ARID1B: variants seen among roughly 807,000 people sequenced by gnomAD.
ARID1B encodes the protein AT-rich interactive domain-containing protein 1B.
In ARID1B, 30 loss-of-function variants were observed where a neutral mutation model predicts 212.3. The ratio of observed to expected loss-of-function variants is 0.14; its 90% confidence interval spans 0.11 to 0.19. The LOEUF is 0.19. Ranked by LOEUF, ARID1B falls within the 10% of genes least tolerant of loss-of-function variation. The pLI is 1.00. For synonymous variants in ARID1B, 1,402 were observed against 1,301.7 expected, an observed-to-expected ratio of 1.08 and a Z score of -1.66; for missense variants, 2,891 against 3,204.0, an observed-to-expected ratio of 0.90 and a Z score of 2.36.
chr6:157,054,823 G>A (rs1191759269), intron 4 of ARID1B, among the ~76,000 whole-genome samples: 1 of 152,188 alleles, frequency 6.6e-6, no homozygotes, highest in African/African-American at 2.4e-5. Flanking sequence ...ACACATAAAT[G>A]TCTATTCACG....
chr6:156,922,753 C>T (rs1283741585), intron 3 of ARID1B, among the ~76,000 whole-genome samples: 1 of 152,168 alleles, frequency 6.6e-6, no homozygotes, highest in African/African-American at 2.4e-5. Flanking sequence ...GTAAAAGCTA[C>T]AGATTCTCCT....
In ARID1B at chr6:157,206,750, A is replaced by G; in HGVS notation, c.5978A>G (p.Glu1993Gly). 6.2e-7 allele frequency: 1 copy of G among 1,613,426 alleles called. No homozygotes were observed. The highest frequency in any genetic ancestry group is 1.1e-5 in the South Asian group (1 of 91,090). Residue 1993 changes from glutamate to glycine, a missense_variant, in exon 20 of 20, where the codon GAG becomes GGG. Glu to Gly is a moderately conservative substitution (Grantham distance 98). Coordinates refer to ENST00000636930, the MANE Select transcript of ARID1B (RefSeq NM_001374828.1). The surrounding 1 kb of genome is among the most constrained non-coding windows in gnomAD (Gnocchi z 6.8). Reference protein sequence around the residue: ...EGKGDSEEQQEKSIIATIDDV... With the variant: ...EGKGDSEEQQGKSIIATIDDV... ...AAAGGCGACTCTGAAGAGCAGCAAG[A>G]GAAAAGCATCATAGCAACCATCGAT...
chr6:156,869,271 A>AT (rs971639246), intron 2 of ARID1B, among the ~76,000 whole-genome samples: 19 of 152,078 alleles, frequency 1.2e-4, no homozygotes, highest in African/African-American at 2.4e-4. Context: ...AGATTAACAA[A>AT]TTTTTTTTGT....
At chr6:157,105,811 A>C (rs1786436145) in intron 5 of ARID1B, among the ~76,000 whole-genome samples, 1 of 152,122 alleles carries the variant, frequency 6.6e-6, no homozygotes, top group Admixed American at 6.5e-5. Flanking sequence ...CATGTTGGTC[A>C]GGCTGGTCTT....
intron 1 of ARID1B, among the ~76,000 whole-genome samples, chr6:156,789,956 A>G (rs1476977707): frequency 6.6e-6 from 1 of 152,228 alleles, no homozygotes; most frequent in Non-Finnish European, 1.5e-5. Flanking sequence ...AGGAATTAAA[A>G]TGAGTTAGAG....
chr6:156,804,276 C>T (rs1780994653), intron 1 of ARID1B, among the ~76,000 whole-genome samples: 1 of 150,310 alleles, frequency 6.7e-6, no homozygotes, highest in Admixed American at 6.7e-5. Context: ...GCGGAGGTTG[C>T]AGTGAACTGA....
intron 2 of ARID1B, among the ~76,000 whole-genome samples, chr6:156,839,326 G>T (rs1583138375): frequency 6.6e-6 from 1 of 152,302 alleles, no homozygotes; most frequent in East Asian, 1.9e-4. Flanking sequence ...GAGGGTAGTA[G>T]CGTGCTGGCT....
intron 6 of ARID1B, among the ~76,000 whole-genome samples, chr6:157,130,925 T>G (rs750617503): frequency 6.6e-6 from 1 of 152,236 alleles, no homozygotes; most frequent in Non-Finnish European, 1.5e-5. Context: ...TGTCCTTTGT[T>G]AGTGTGCTAG....
intron 4 of ARID1B, among the ~76,000 whole-genome samples, chr6:156,982,177 C>T (rs1210905678): frequency 2.0e-5 from 3 of 152,266 alleles, no homozygotes; most frequent in Middle Eastern, 3.4e-3. Flanking sequence ...TGTTTCAAAA[C>T]ACCTTTACTA....
chr6:156,849,286 GCC>G (rs1784426803), intron 2 of ARID1B, among the ~76,000 whole-genome samples: 1 of 152,058 alleles, frequency 6.6e-6, no homozygotes, highest in Non-Finnish European at 1.5e-5. Flanking sequence ...CTTCCTTCAT[GCC>G]CTCTTCCCTG....
At chr6:157,168,916 A>C (rs1791515503) in intron 9 of ARID1B, 1 of 152,226 alleles carries the variant, frequency 6.6e-6, no homozygotes, top group African/African-American at 2.4e-5. Flanking sequence ...TTTCCTCTAC[A>C]CGTTGATCTG....
At position 156,994,060 on chromosome 6, in the gene ARID1B, C is replaced by T. The variant is rs536337639; in HGVS notation, c.2247+58484C>T. Among the ~76,000 whole-genome samples the T allele has an allele frequency of 1.1e-4, 16 of 152,294 alleles. No individual in the cohort carries two copies. In the East Asian group the frequency reaches 3.1e-3, roughly 29 times the overall value. ...TCAGGTATGTAGAAATTGAGATGCA[C>T]ATTTTTAAACTTTTGGTCATTTTTT... is the stretch of plus-strand genomic sequence containing the variant. On this transcript the variant is annotated intron_variant, in intron 4 of 19. Transcript: ENST00000636930.
chr6:156,943,123 G>A (rs1048257242), intron 4 of ARID1B: 13 of 152,144 alleles, frequency 8.5e-5, no homozygotes, highest in African/African-American at 2.7e-4. Context: ...GATTTTAGAG[G>A]TGTCTCTCTT....
At position 157,209,654 on chromosome 6, in the gene ARID1B, A is replaced by G. The variant is rs561522527; in HGVS notation, c.*1763A>G. 41 of 233,176 alleles carry G rather than the reference A, an allele frequency of 1.8e-4. No homozygotes were observed. The highest frequency in any genetic ancestry group is 8.4e-4 in the African/African-American group (38 of 45,444). The allele number at this position is 233,176 out of a possible 1,614,324, so 14.4% of individuals were successfully genotyped here. A position where few individuals can be genotyped will look rare whatever the true frequency, so the allele number is the denominator to read the frequency against. ...ATTCCTTGTTTCTTCTGTGTGCCTC[A>G]GAGTTATTTTGCATTTAGTTTACTC... is the stretch of plus-strand genomic sequence containing the variant. On this transcript the variant is annotated 3_prime_UTR_variant, in exon 20 of 20. Coordinates refer to ENST00000636930, the MANE Select transcript of ARID1B (RefSeq NM_001374828.1).
chr6:156,928,325 T>C (rs1162990031), intron 3 of ARID1B, among the ~76,000 whole-genome samples: 1 of 152,168 alleles, frequency 6.6e-6, no homozygotes, highest in Non-Finnish European at 1.5e-5. Flanking sequence ...GGGGATGGAC[T>C]GGGTGATGAT....
chr6:156,998,423 C>A (rs1247349944), intron 4 of ARID1B, among the ~76,000 whole-genome samples: 1 of 152,150 alleles, frequency 6.6e-6, no homozygotes, highest in Admixed American at 6.5e-5. Context: ...CAGGGTTTCA[C>A]CGTGTTAGCC....
Position 156,903,111 on chromosome 6 carries a change from A to G in ARID1B, c.2136+1586A>G, listed in dbSNP as rs1166360554. Among the ~76,000 whole-genome samples the G allele has an allele frequency of 9.2e-5, 14 of 152,204 alleles. 1 individual carries two copies. Among genetic ancestry groups the G allele is most frequent in the Admixed American group, 7.2e-4 (11 of 15,286 alleles). ...AATGCCTGTCATTTTCTTCAAGACC[A>G]AGCTCAAAATTTACTTCCTTTAAAA... On this transcript the variant is annotated intron_variant, in intron 3 of 19. Transcript: ENST00000636930.
chr6:156,946,185 C>T (rs544427137), intron 4 of ARID1B, among the ~76,000 whole-genome samples: 258 of 148,018 alleles, frequency 1.7e-3, no homozygotes, highest in African/African-American at 6.1e-3. Flanking sequence ...GGTGAAACCC[C>T]GTCTCTACTA....
intron 1 of ARID1B, among the ~76,000 whole-genome samples, chr6:156,782,408 T>G (rs146029731): frequency 6.6e-6 from 1 of 152,136 alleles, no homozygotes; most frequent in Non-Finnish European, 1.5e-5. Flanking sequence ...TTCAGTTTAT[T>G]ACTAGATTTT....
Sources: gnomAD v4.1 joint callset for allele counts (sites outside exome capture counted in the v4.1 genomes callset) on GRCh38, gnomAD v4.1.1 for gene constraint, Gnocchi (gnomAD v3.1) non-coding constraint, MANE v1.5 for transcripts, NCBI Gene and HGNC (gene_info 2026-07-23, HGNC 2026-07-21) for gene names.